ZBTB7A: variants seen among roughly 807,000 people sequenced by gnomAD.
The protein encoded by ZBTB7A is zinc finger and BTB domain containing 7A.
Under a neutral mutation model 26.7 loss-of-function variants are expected in ZBTB7A, and 7 were observed. The ratio of observed to expected loss-of-function variants is 0.26; its 90% CI spans 0.15 to 0.49. The LOEUF (loss-of-function observed/expected upper bound fraction) is 0.49. Ranked by LOEUF, ZBTB7A falls within the 20% of genes least tolerant of loss-of-function variation. The probability of loss-of-function intolerance (pLI) is 0.98; values close to 1 mark genes in which losing one functional copy is unlikely to be tolerated. For missense variants in ZBTB7A, 617 were observed against 919.5 expected (o/e 0.67, Z 4.25); for synonymous variants, 452 against 441.0 (o/e 1.02, Z -0.31).
chr19:4,054,072 G>A lies in ZBTB7A; in HGVS notation c.1161C>T (p.Cys387=). ...TGCCGGCGCCCTGGATGACCTTCTC[G>A]CAGATGGGGCACTTCTGGAAGGCCT... is the stretch of plus-strand genomic sequence containing the variant. The part of the protein sequence containing the change: ...RAKAFQKCPI[C]EKVIQGAGKL... Residue 387 remains cysteine (C), a synonymous_variant, in exon 2 of 3, where the codon TGC becomes TGT. Coordinates refer to ENST00000322357, the MANE Select transcript of ZBTB7A (RefSeq NM_015898.4). 6.2e-7 allele frequency: 1 copy of A among 1,611,968 alleles called. No individual in the cohort carries two copies. The highest frequency in any genetic ancestry group is 8.5e-7 in the Non-Finnish European group (1 of 1,179,902).
intron 2 of ZBTB7A, among the ~76,000 whole-genome samples, chr19:4,050,291 C>T (rs1163523656): frequency 1.3e-5 from 2 of 152,140 alleles, no homozygotes. Context: ...GAACTCCTGA[C>T]CTCAAGTGAT....
rs1387025227 is a variant in ZBTB7A, at chr19:4,054,660, G to A, written c.573C>T (p.Ser191=). ...ASFPWSAFGA[S]DDDLDATKEA... is the part of the protein sequence containing the mutation. ...CCTTGGTGGCATCCAGGTCATCATCGGACGCCCCAAAGGCGGACCACGGGA... is the reference window on the plus strand; with the variant it reads ...CCTTGGTGGCATCCAGGTCATCATCAGACGCCCCAAAGGCGGACCACGGGA... The change falls in exon 2 of 3, where the codon TCC becomes TCT. Residue 191 remains serine (S), a synonymous_variant. Transcript: ENST00000322357. The A allele has an allele frequency of 2.5e-6, 4 of 1,597,834 alleles. No homozygotes were observed. The highest frequency in any genetic ancestry group is 1.7e-4 in the Middle Eastern group (1 of 6,060).
At chr19:4,060,398 C>T (rs949635772) in intron 1 of ZBTB7A, among the ~76,000 whole-genome samples, 4 of 152,226 alleles carry the variant, frequency 2.6e-5, no homozygotes, top group Admixed American at 1.3e-4. Flanking sequence ...TCGAGAGCCA[C>T]GGCACCCGGG....
Position 4,046,238 on chromosome 19 carries a change from G to A in ZBTB7A, c.*1514C>T, listed in dbSNP as rs1441256435. On this transcript the variant is annotated 3_prime_UTR_variant, in exon 3 of 3. Transcript: ENST00000322357. ...TTCGAGGCTGACGTCTGGGGGTGAAGCACAAACACCTCGGGGCGTCTCCCA... is the reference window on the plus strand; with the variant it reads ...TTCGAGGCTGACGTCTGGGGGTGAAACACAAACACCTCGGGGCGTCTCCCA... 1.3e-5 allele frequency: 5 copies of A among 395,648 alleles called. No individual in the cohort carries two copies. The highest frequency in any genetic ancestry group is 1.3e-5 in the Non-Finnish European group (3 of 224,650). 24.5% of individuals were successfully genotyped at this position (395,648 alleles called of 1,614,324 possible). A position where few individuals can be genotyped will look rare whatever the true frequency, so the allele number is the denominator to read the frequency against.
At chr19:4,057,299 C>T (rs1477091844) in intron 1 of ZBTB7A, among the ~76,000 whole-genome samples, 6 of 148,762 alleles carry the variant, frequency 4.0e-5, no homozygotes, top group Non-Finnish European at 7.4e-5. Flanking sequence ...GGTGAGATTG[C>T]GCCATTGTAC....
At position 4,052,825 on chromosome 19, in the gene ZBTB7A, C is replaced by A. The variant is rs988497858; in HGVS notation, c.1262+1146G>T. Among the ~76,000 whole-genome samples the A allele has an allele frequency of 1.3e-5, 2 of 152,204 alleles. No homozygotes were observed. The highest frequency in any genetic ancestry group is 1.5e-5 in the Non-Finnish European group (1 of 68,042). On this transcript the variant is annotated intron_variant, in intron 2 of 2. Coordinates refer to ENST00000322357, the MANE Select transcript of ZBTB7A (RefSeq NM_015898.4). The surrounding 1 kb of genome is among the most constrained non-coding windows in gnomAD (Gnocchi z 4.9). ...CCAAGTCCTGTGGCTCCCAGGGGGG[C>A]ACAGTGATCTCTCAAGCTGAGCTGG...
chr19:4,054,523 C>T lies in ZBTB7A; in HGVS notation c.710G>A (p.Gly237Asp). 2 of 1,436,888 alleles carry T rather than the reference C, an allele frequency of 1.4e-6. No individual in the cohort carries two copies. The highest frequency in any genetic ancestry group is 1.8e-6 in the Non-Finnish European group (2 of 1,105,564). The allele number at this position is 1,436,888 out of a possible 1,614,324, so 89.0% of individuals were successfully genotyped here. A position where few individuals can be genotyped will look rare whatever the true frequency, so the allele number is the denominator to read the frequency against. Reference sequence around the variant, plus strand: ...TGGCCACAGACCCGGGTTGCTGTCGCCCTCGTCCCCGTCCCCCGTCGGGGG... The same window carrying T: ...TGGCCACAGACCCGGGTTGCTGTCGTCCTCGTCCCCGTCCCCCGTCGGGGG... ...ERPPTGDGDE[G>D]DSNPGLWPER... is the part of the protein sequence containing the mutation. The change falls in exon 2 of 3, where the codon GGC becomes GAC. Residue 237 changes from glycine (G) to aspartate (D), a missense_variant. Transcript: ENST00000322357.
rs1396362012 is a variant in ZBTB7A, at chr19:4,049,212, A to ATATATATATATATATATATAT, written c.1263-969_1263-968insATATATATATATATATATATA. Among the ~76,000 whole-genome samples the ATATATATATATATATATATAT allele has an allele frequency of 8.6e-5, 2 of 23,326 alleles. 1 individual carries two copies. The highest frequency in any genetic ancestry group is 3.5e-4 in the Non-Finnish European group (2 of 5,692). 15.3% of individuals were successfully genotyped at this position (23,326 alleles called of 152,430 possible). A position where few individuals can be genotyped will look rare whatever the true frequency, so the allele number is the denominator to read the frequency against. On this transcript the variant is annotated intron_variant, in intron 2 of 2. Transcript: ENST00000322357. The stretch of plus-strand genomic sequence containing the variant: ...TATATATATATATATATATATATGT[A>ATATATATATATATATATATAT]AGTTTGAGAGATGGGGGTTGAGCTA...
intron 2 of ZBTB7A, among the ~76,000 whole-genome samples, chr19:4,051,103 A>T (rs2040500412): frequency 6.8e-6 from 1 of 148,130 alleles, no homozygotes; most frequent in Non-Finnish European, 1.5e-5. Flanking sequence ...TCTCAAAAAA[A>T]AAAAAAAAAA....
rs532866465 is a variant in ZBTB7A, at chr19:4,055,029, C to T, written c.204G>A (p.Val68=). ...TCTCGTACACGTTCTGCTGGTCCAC[C>T]ACGGCGCCCGACGTGAACAGCTTCT... ...YFKKLFTSGA[V]VDQQNVYEID... Residue 68 remains valine, a synonymous_variant, in exon 2 of 3, where the codon GTG becomes GTA. Coordinates refer to ENST00000322357, the MANE Select transcript of ZBTB7A (RefSeq NM_015898.4). 2 of 1,610,454 alleles carry T rather than the reference C, an allele frequency of 1.2e-6. No individual in the cohort carries two copies. Among genetic ancestry groups the T allele is most frequent in the African/African-American group, 2.7e-5 (2 of 74,874 alleles).
chr19:4,051,870 G>C (rs2144983496), intron 2 of ZBTB7A, among the ~76,000 whole-genome samples: 1 of 152,350 alleles, frequency 6.6e-6, no homozygotes, highest in East Asian at 1.9e-4. Flanking sequence ...CGGGGTGGGG[G>C]CGGAGGTATC....
intron 1 of ZBTB7A, among the ~76,000 whole-genome samples, chr19:4,057,621 C>G (rs2040594001): frequency 6.7e-6 from 1 of 150,148 alleles, no homozygotes; most frequent in African/African-American, 2.5e-5. Flanking sequence ...AACCCCATTT[C>G]TAACAAAAAA....
chr19:4,050,281 G>A (rs1383723502), intron 2 of ZBTB7A, among the ~76,000 whole-genome samples: 1 of 152,082 alleles, frequency 6.6e-6, no homozygotes, highest in African/African-American at 2.4e-5. Flanking sequence ...GGCTGGTCTT[G>A]AACTCCTGAC....
chr19:4,064,698 C>T (rs1342816503), intron 1 of ZBTB7A, among the ~76,000 whole-genome samples: 2 of 152,050 alleles, frequency 1.3e-5, no homozygotes, highest in Non-Finnish European at 2.9e-5. Flanking sequence ...AGGCAGCTGG[C>T]AGGGAGGTGG....
In ZBTB7A at chr19:4,053,035, C is replaced by G. The variant is rs996310729; in HGVS notation, c.1262+936G>C. Among the ~76,000 whole-genome samples, 5 of 152,350 alleles carry G rather than the reference C, an allele frequency of 3.3e-5. 1 individual carries two copies. The South Asian group carries it at 1.0e-3, about 32-fold the overall frequency. ...CCCAGGCTCACGGGAAACTCAGAAGCCGCTCCACGGCCTGGGCTGTCCCTC... is the reference window on the plus strand; with the variant it reads ...CCCAGGCTCACGGGAAACTCAGAAGGCGCTCCACGGCCTGGGCTGTCCCTC... On this transcript the variant is annotated intron_variant, in intron 2 of 2. Coordinates refer to ENST00000322357, the MANE Select transcript of ZBTB7A (RefSeq NM_015898.4).
At chr19:4,058,417 C>T (rs949660058) in intron 1 of ZBTB7A, among the ~76,000 whole-genome samples, 1 of 149,466 alleles carries the variant, frequency 6.7e-6, no homozygotes, top group Admixed American at 6.8e-5. Flanking sequence ...GGGACTGTGT[C>T]TGTCCCACCC....
chr19:4,057,718 T>C (rs566001886), intron 1 of ZBTB7A, among the ~76,000 whole-genome samples: 1 of 146,018 alleles, frequency 6.8e-6, no homozygotes, highest in African/African-American at 2.6e-5. Context: ...AGGTGGAGGC[T>C]GCAGTGAGCC....
Position 4,046,520 on chromosome 19 carries a change from G to C in ZBTB7A, c.*1232C>G, listed in dbSNP as rs1338131467. 1 of 144,624 alleles carries C rather than the reference G, an allele frequency of 6.9e-6. No individual in the cohort carries two copies. Among genetic ancestry groups the C allele is most frequent in the Non-Finnish European group, 1.5e-5 (1 of 67,204 alleles). The allele number at this position is 144,624 out of a possible 1,614,324, so 9.0% of individuals were successfully genotyped here. A position where few individuals can be genotyped will look rare whatever the true frequency, so the allele number is the denominator to read the frequency against. ...TTTTTAAATTAAGAATTAAGATAAA[G>C]TGTAGTACCCGTTCCGTTACAAAGT... On this transcript the variant is annotated 3_prime_UTR_variant, in exon 3 of 3. Coordinates refer to ENST00000322357, the MANE Select transcript of ZBTB7A (RefSeq NM_015898.4).
In ZBTB7A at chr19:4,054,381, C is replaced by G; in HGVS notation, c.852G>C (p.Ser284=). The G allele has an allele frequency of 7.0e-7, 1 of 1,428,062 alleles. No homozygotes were observed. The highest frequency in any genetic ancestry group is 9.1e-7 in the Non-Finnish European group (1 of 1,103,330). 88.5% of individuals were successfully genotyped at this position (1,428,062 alleles called of 1,614,324 possible). The change falls in exon 2 of 3, where the codon TCG becomes TCC. Residue 284 remains serine (S), a synonymous_variant. Coordinates refer to ENST00000322357, the MANE Select transcript of ZBTB7A (RefSeq NM_015898.4). ...AGTCGCCCGGCTCGGGGGCCGCCTC[C>G]GACAGCGAGGCGGCCTCCTCCTCTC... ...RGGEEEAASL[S]EAAPEPGDSP...
Sources: gnomAD v4.1 joint callset for allele counts (sites outside exome capture counted in the v4.1 genomes callset) on GRCh38, gnomAD v4.1.1 for gene constraint, Gnocchi (gnomAD v3.1) non-coding constraint, MANE v1.5 for transcripts, NCBI Gene and HGNC (gene_info 2026-07-23, HGNC 2026-07-21) for gene names.